Variants in ITGAM observed in about 807,000 individuals in gnomAD.
ITGAM encodes the protein integrin alpha-M.
Under a neutral mutation model 137.5 loss-of-function variants are expected in ITGAM, and 79 were observed. The observed-to-expected ratio is 0.57, with a 90% CI of 0.48 to 0.69. The LOEUF is 0.69. Ranked by LOEUF, ITGAM falls within the 30% of genes least tolerant of loss-of-function variation. The probability of loss-of-function intolerance (pLI) is 0.00; values close to 1 mark genes in which losing one functional copy is unlikely to be tolerated. For synonymous variants in ITGAM, 583 were observed against 592.3 expected (o/e 0.98, Z 0.23); for missense variants, 1,343 against 1,483.5 (o/e 0.91, Z 1.56).
At chr16:31,316,286 G>C (rs1330221090) in intron 14 of ITGAM, among the ~76,000 whole-genome samples, 1 of 148,538 alleles carries the variant, frequency 6.7e-6, no homozygotes, top group Admixed American at 6.8e-5. Flanking sequence ...TACTCGGGAG[G>C]CTGAGGCAGG....
rs992664842 is a variant in ITGAM, at chr16:31,260,064, C to T, written c.-1C>T. ...CTTCCAGGTTCTGGCTCCTTCCAGC[C>T]ATGGCTCTCAGAGTCCTTCTGTTAA... is the stretch of plus-strand genomic sequence containing the variant. On this transcript the variant is annotated 5_prime_UTR_variant, in exon 1 of 30. Coordinates refer to ENST00000544665, the MANE Select transcript of ITGAM (RefSeq NM_000632.4). The T allele has an allele frequency of 1.4e-6, 2 of 1,415,248 alleles. No individual in the cohort carries two copies. The highest frequency in any genetic ancestry group is 1.9e-6 in the Non-Finnish European group (2 of 1,059,652). The allele number at this position is 1,415,248 out of a possible 1,614,324, so 87.7% of individuals were successfully genotyped here. A position where few individuals can be genotyped will look rare whatever the true frequency, so the allele number is the denominator to read the frequency against.
Position 31,329,903 on chromosome 16 carries a change from G to A in ITGAM, c.2974G>A (p.Glu992Lys), listed in dbSNP as rs368371602. The A allele has an allele frequency of 6.4e-7, 1 of 1,557,816 alleles. No individual in the cohort carries two copies. Among genetic ancestry groups the A allele is most frequent in the African/African-American group, 1.4e-5 (1 of 73,546 alleles). Residue 992 changes from glutamate to lysine, a missense_variant and splice_region_variant, in exon 25 of 30, where the codon GAG becomes AAG. Transcript: ENST00000544665. ...GGACCGCCCCCAGGTCACCTTCTCCGAGGTGAGCGGAGCTCGGCCTGACTC... is the reference window on the plus strand; with the variant it reads ...GGACCGCCCCCAGGTCACCTTCTCCAAGGTGAGCGGAGCTCGGCCTGACTC... Reference protein sequence around the residue: ...IWDRPQVTFSENLSSTCHTKE... With the variant: ...IWDRPQVTFSKNLSSTCHTKE...
chr16:31,317,622 C>T (rs762289305), intron 14 of ITGAM, among the ~76,000 whole-genome samples: 1 of 152,100 alleles, frequency 6.6e-6, no homozygotes, highest in African/African-American at 2.4e-5. Context: ...ACCAAATAAG[C>T]TAAGACAGAT....
chr16:31,303,775 G>C lies in ITGAM; in HGVS notation c.1707+5821G>C, dbSNP rs192546349. Among the ~76,000 whole-genome samples, 470 of 152,122 alleles carry C rather than the reference G, an allele frequency of 3.1e-3. 1 individual carries two copies. Among genetic ancestry groups the C allele is most frequent in the Middle Eastern group, 6.8e-3 (2 of 294 alleles). On this transcript the variant is annotated intron_variant, in intron 14 of 29. Coordinates refer to ENST00000544665, the MANE Select transcript of ITGAM (RefSeq NM_000632.4). ...CAAGTTGCTGCAAAATACATTATTT[G>C]TTCCTTTTTATGGCTGGGTAGTACT...
At position 31,328,496 on chromosome 16, in the gene ITGAM, G is replaced by T. The variant is rs374615257; in HGVS notation, c.2792+266G>T. Among the ~76,000 whole-genome samples the T allele has an allele frequency of 3.2e-3, 483 of 151,750 alleles. 4 individuals carry two copies. The highest frequency in any genetic ancestry group is 0.011 in the African/African-American group (453 of 41,350). On this transcript the variant is annotated intron_variant, in intron 23 of 29. Transcript: ENST00000544665. ...TGTATGTGTGCATGGGCGTGTATTT[G>T]TGGATGTGAGTGTGATCTATGTGTG...
chr16:31,322,671 G>T (rs2080462183), intron 16 of ITGAM, among the ~76,000 whole-genome samples: 1 of 152,134 alleles, frequency 6.6e-6, no homozygotes, highest in African/African-American at 2.4e-5. Flanking sequence ...AGACCCACAG[G>T]TGATTCAGAA....
At chr16:31,260,767 A>G (rs2079689913) in intron 1 of ITGAM, among the ~76,000 whole-genome samples, 1 of 152,196 alleles carries the variant, frequency 6.6e-6, no homozygotes, top group African/African-American at 2.4e-5. Context: ...AGGAGTCAGC[A>G]AACAGTGGCC....
chr16:31,305,863 G>A (rs2080259512), intron 14 of ITGAM, among the ~76,000 whole-genome samples: 1 of 152,098 alleles, frequency 6.6e-6, no homozygotes, highest in Non-Finnish European at 1.5e-5. Flanking sequence ...GATTTGGTTA[G>A]CTAGTATTTT....
intron 14 of ITGAM, among the ~76,000 whole-genome samples, chr16:31,298,268 C>G (rs1044538416): frequency 1.3e-5 from 2 of 150,586 alleles, no homozygotes; most frequent in African/African-American, 4.9e-5. Context: ...GTCCCAGCTA[C>G]TCTGGAGGCT....
chr16:31,263,644 A>G (rs1482430392), intron 2 of ITGAM, among the ~76,000 whole-genome samples: 1 of 142,834 alleles, frequency 7.0e-6, no homozygotes, highest in Non-Finnish European at 1.5e-5. Flanking sequence ...TGTTTTTCTT[A>G]TCTGTTGGCC....
rs2080551708 is a variant in ITGAM, at chr16:31,329,398, G to T, written c.2868+95G>T. The T allele has an allele frequency of 1.2e-5, 11 of 923,562 alleles. No homozygotes were observed. In the South Asian group the frequency reaches 1.5e-4, roughly 13 times the overall value. 57.2% of individuals were successfully genotyped at this position (923,562 alleles called of 1,614,324 possible). On this transcript the variant is annotated intron_variant, in intron 24 of 29. Coordinates refer to ENST00000544665, the MANE Select transcript of ITGAM (RefSeq NM_000632.4). Reference sequence around the variant, plus strand: ...AACAGGGATGGGAAATGTGCGCAAGGCACCTGTGGTGTGCCAGGCTTGGTT... The same window carrying T: ...AACAGGGATGGGAAATGTGCGCAAGTCACCTGTGGTGTGCCAGGCTTGGTT...
At chr16:31,269,095 G>A (rs2079801386) in intron 5 of ITGAM, among the ~76,000 whole-genome samples, 1 of 152,170 alleles carries the variant, frequency 6.6e-6, no homozygotes, top group Non-Finnish European at 1.5e-5. Context: ...GGAAGCCAGT[G>A]AGCTGGGAGT....
chr16:31,307,962 G>A (rs7198598), intron 14 of ITGAM, among the ~76,000 whole-genome samples: 26,405 of 151,772 alleles, frequency 0.17, 2,878 homozygotes, highest in African/African-American at 0.3. Context: ...ATTGATTTTC[G>A]TATGTTGAAC....
At chr16:31,328,327 T>A (rs1022065173) in intron 23 of ITGAM, 97 bp downstream of exon 23, 154 of 916,916 alleles carry the variant, frequency 1.7e-4, no homozygotes, top group Non-Finnish European at 2.1e-4. Context: ...TGTGTGTGTG[T>A]GAGAGTCTGA....
At chr16:31,322,435 G>C (rs1431222005) in intron 16 of ITGAM, among the ~76,000 whole-genome samples, 1 of 152,198 alleles carries the variant, frequency 6.6e-6, no homozygotes, top group Non-Finnish European at 1.5e-5. Flanking sequence ...AACCTACATA[G>C]AAGTCCCCCT....
At position 31,265,999 on chromosome 16, in the gene ITGAM, G is replaced by A. The variant is rs915055482; in HGVS notation, c.310-31G>A. The A allele has an allele frequency of 2.5e-6, 4 of 1,601,398 alleles. No homozygotes were observed. In the African/African-American group the frequency reaches 5.4e-5, roughly 21 times the overall value. On this transcript the variant is annotated intron_variant, in intron 4 of 29. Coordinates refer to ENST00000544665, the MANE Select transcript of ITGAM (RefSeq NM_000632.4). ...TGGGGTACAAGGACAGGAAGCAGGGGCAGCCCCTTCCACTGGCTCCTGTCC... is the reference window on the plus strand; with the variant it reads ...TGGGGTACAAGGACAGGAAGCAGGGACAGCCCCTTCCACTGGCTCCTGTCC...
intron 12 of ITGAM, among the ~76,000 whole-genome samples, chr16:31,295,255 TA>T (rs2080122314): frequency 1.3e-5 from 2 of 152,236 alleles, no homozygotes; most frequent in Admixed American, 1.3e-4. Context: ...TCTATTTTTG[TA>T]AAAAAATGCC....
intron 12 of ITGAM, among the ~76,000 whole-genome samples, chr16:31,291,290 G>A (rs989922865): frequency 1.3e-5 from 2 of 152,100 alleles, no homozygotes; most frequent in Admixed American, 1.3e-4. Flanking sequence ...ATAGTGCTGC[G>A]ATAAACACGG....
chr16:31,276,846 G>A (rs757949985), intron 10 of ITGAM, 74 bp from the exon 11 acceptor site: 1 of 1,585,550 alleles, frequency 6.3e-7, no homozygotes, highest in Non-Finnish European at 8.6e-7. Context: ...ATAGATACTT[G>A]GGAAGTAGCT....
Sources: gnomAD v4.1 joint callset for allele counts (sites outside exome capture counted in the v4.1 genomes callset) on GRCh38, gnomAD v4.1.1 for gene constraint, MANE v1.5 for transcripts, NCBI Gene and HGNC (gene_info 2026-07-23, HGNC 2026-07-21) for gene names.